The following SATB2 variants were observed in gnomAD, a reference collection of about 807,000 sequenced individuals.
SATB2 encodes DNA-binding protein SATB2.
In SATB2, 1 loss-of-function variant was observed where a neutral mutation model predicts 73.4. The observed-to-expected ratio is 0.01, with a 90% confidence interval of 0.00 to 0.06. The LOEUF is 0.06. Ranked by LOEUF, SATB2 falls within the 10% of genes least tolerant of loss-of-function variation. SATB2 has a pLI of 1.00. For missense variants in SATB2, 459 were observed against 945.8 expected (o/e 0.49, Z 6.75); for synonymous variants, 397 against 367.0 (o/e 1.08, Z -0.93).
chr2:199,400,749 G>A (rs765551914), intron 3 of SATB2, among the ~76,000 whole-genome samples: 5 of 152,050 alleles, frequency 3.3e-5, no homozygotes, highest in African/African-American at 9.7e-5. Flanking sequence ...ACAGTTTTTC[G>A]AGATTACACA....
intron 3 of SATB2, 118 bp from the exon 4 acceptor site, chr2:199,381,938 T>G: frequency 8.6e-7 from 1 of 1,160,362 alleles, no homozygotes; most frequent in South Asian, 1.3e-5. Context: ...ACTCAGATAT[T>G]TTACAACCCA....
intron 3 of SATB2, among the ~76,000 whole-genome samples, chr2:199,426,147 C>A (rs766915032): frequency 2.0e-4 from 31 of 151,926 alleles, no homozygotes; most frequent in Non-Finnish European, 4.1e-4. Flanking sequence ...TTCAACATTG[C>A]CCTTACAAAG....
chr2:199,345,533 T>C (rs1688625870), intron 7 of SATB2, among the ~76,000 whole-genome samples: 2 of 151,456 alleles, frequency 1.3e-5, no homozygotes, highest in African/African-American at 4.9e-5. Flanking sequence ...TTAACCTTAC[T>C]CCAACCACTC....
chr2:199,318,874 C>T (rs1294130594), intron 9 of SATB2, among the ~76,000 whole-genome samples: 1 of 151,882 alleles, frequency 6.6e-6, no homozygotes, highest in African/African-American at 2.4e-5. Flanking sequence ...GCAAATTAGA[C>T]CACCTATAAG....
rs1368368162 is a variant in SATB2, at chr2:199,426,393, A to ATTC, written c.346+6942_346+6944dup. ...AACCTCCTCCTCCCGGGTTCAAGTG[A>ATTC]TTCTCCTGCCTCAGCCTCCACAGTA... is the stretch of plus-strand genomic sequence containing the variant. On this transcript the variant is annotated intron_variant, in intron 3 of 10. Transcript: ENST00000417098. Among the ~76,000 whole-genome samples, 3 of 152,136 alleles carry ATTC rather than the reference A, an allele frequency of 2.0e-5. No homozygotes were observed. In the East Asian group the frequency reaches 5.8e-4, roughly 30 times the overall value.
At chr2:199,420,176 C>T (rs1034312314) in intron 3 of SATB2, among the ~76,000 whole-genome samples, 2 of 151,992 alleles carry the variant, frequency 1.3e-5, no homozygotes, top group Admixed American at 6.6e-5. Flanking sequence ...CCCATCTGTG[C>T]CTCAGTTTCC....
intron 2 of SATB2, among the ~76,000 whole-genome samples, chr2:199,449,467 T>C (rs148097323): frequency 6.6e-6 from 1 of 152,314 alleles, no homozygotes; most frequent in African/African-American, 2.4e-5. Flanking sequence ...TGGAACATTT[T>C]TACAAAAACA....
chr2:199,354,762 G>A (rs1688922685), intron 6 of SATB2, among the ~76,000 whole-genome samples: 1 of 152,210 alleles, frequency 6.6e-6, no homozygotes, highest in Admixed American at 6.5e-5. Flanking sequence ...AAACTGCAGG[G>A]AATGGGCAGC....
intron 1 of SATB2, 143 bp from the exon 2 acceptor site, chr2:199,456,239 C>G (rs1428686046): frequency 1.5e-6 from 1 of 652,398 alleles, no homozygotes. Context: ...GGGGCCCGAG[C>G]CGGGAAGCCG....
upstream of SATB2, among the ~76,000 whole-genome samples, chr2:199,465,332 T>C (rs1692572995): frequency 6.6e-6 from 1 of 152,238 alleles, no homozygotes; most frequent in Non-Finnish European, 1.5e-5. Flanking sequence ...ACAAGTATAA[T>C]ATAAGGGAGG....
intron 6 of SATB2, among the ~76,000 whole-genome samples, chr2:199,349,516 A>G (rs756134781): frequency 4.6e-5 from 7 of 152,336 alleles, no homozygotes; most frequent in Middle Eastern, 6.8e-3. Flanking sequence ...AACCTTTGTT[A>G]TAAAAGCACC....
At chr2:199,465,973 G>A (rs1692585219), upstream of SATB2, among the ~76,000 whole-genome samples, 1 of 152,160 alleles carries the variant, frequency 6.6e-6, no homozygotes, top group Non-Finnish European at 1.5e-5. Flanking sequence ...ACCCAAACCT[G>A]TGCACTCATA....
chr2:199,337,064 A>T (rs887818968), intron 7 of SATB2, among the ~76,000 whole-genome samples: 6 of 152,204 alleles, frequency 3.9e-5, no homozygotes, highest in African/African-American at 1.4e-4. Context: ...ATACATAAAC[A>T]TCACAGTACA....
chr2:199,404,694 A>C (rs546056891), intron 3 of SATB2, among the ~76,000 whole-genome samples: 6 of 152,346 alleles, frequency 3.9e-5, no homozygotes, highest in African/African-American at 1.4e-4. Context: ...TAAAAAAAGA[A>C]AAAAATCACA....
At chr2:199,386,701 C>CGT (rs1689954444) in intron 3 of SATB2, among the ~76,000 whole-genome samples, 2 of 1,890 alleles carry the variant, frequency 1.1e-3, no homozygotes, top group African/African-American at 5.4e-3. Context: ...CGCAAGCGCG[C>CGT]GCGCGCGCGC....
chr2:199,379,691 T>G (rs1213669485), intron 5 of SATB2, among the ~76,000 whole-genome samples: 1 of 149,376 alleles, frequency 6.7e-6, no homozygotes, highest in African/African-American at 2.4e-5. Context: ...TCTTTTTTTT[T>G]TTTTTTTTTT....
At chr2:199,395,176 T>G (rs1363479865) in intron 3 of SATB2, among the ~76,000 whole-genome samples, 1 of 152,118 alleles carries the variant, frequency 6.6e-6, no homozygotes, top group East Asian at 1.9e-4. Context: ...GACACCTTAG[T>G]GGGCCCCAGT....
intron 3 of SATB2, among the ~76,000 whole-genome samples, chr2:199,383,213 G>A (rs888753896): frequency 1.3e-5 from 2 of 152,140 alleles, no homozygotes; most frequent in African/African-American, 2.4e-5. Flanking sequence ...TCATAGTACC[G>A]TATGTCTCCA....
chr2:199,336,501 A>G (rs1688342056), intron 7 of SATB2, among the ~76,000 whole-genome samples: 1 of 152,208 alleles, frequency 6.6e-6, no homozygotes, highest in South Asian at 2.1e-4. Context: ...TTTATTGAAT[A>G]TTTATATCTC....
Sources: gnomAD v4.1 joint callset for allele counts (sites outside exome capture counted in the v4.1 genomes callset) on GRCh38, gnomAD v4.1.1 for gene constraint, MANE v1.5 for transcripts, NCBI Gene and HGNC (gene_info 2026-07-23, HGNC 2026-07-21) for gene names.